Variants in KCNK13 observed in about 807,000 individuals in gnomAD.
The protein encoded by KCNK13 is potassium two pore domain channel subfamily K member 13.
Under a neutral mutation model 23.4 loss-of-function variants are expected in KCNK13, and 12 were observed. That is an observed-to-expected ratio of 0.51 (90% confidence interval 0.33 to 0.83). KCNK13 has a LOEUF of 0.83. KCNK13 is among the 40% of genes least tolerant of loss of function. The pLI, the probability that KCNK13 is intolerant of heterozygous loss-of-function variation, is 0.02. For missense variants in KCNK13, 463 were observed against 556.3 expected (o/e 0.83, Z 1.69); for synonymous variants, 231 against 229.5 (o/e 1.01, Z -0.06).
intron 1 of KCNK13, chr14:90,107,728 C>A: frequency 1.3e-6 from 1 of 785,816 alleles, no homozygotes; most frequent in Non-Finnish European, 2.3e-6. Context: ...TGGTTGTGTT[C>A]ATCAAGCCCA....
chr14:90,097,027 G>C (rs1418723983), intron 1 of KCNK13, among the ~76,000 whole-genome samples: 1 of 152,132 alleles, frequency 6.6e-6, no homozygotes, highest in Non-Finnish European at 1.5e-5. Flanking sequence ...AAACATGGCT[G>C]CCACACGAAG....
chr14:90,158,773 G>T (rs1008566749), intron 1 of KCNK13, among the ~76,000 whole-genome samples: 1 of 152,194 alleles, frequency 6.6e-6, no homozygotes, highest in Non-Finnish European at 1.5e-5. Flanking sequence ...TGCTGCGTAT[G>T]TCCTACTGGG....
At chr14:90,066,138 A>ATT (rs35664886) in intron 1 of KCNK13, among the ~76,000 whole-genome samples, 1 of 135,902 alleles carries the variant, frequency 7.4e-6, no homozygotes, top group Admixed American at 7.4e-5. Flanking sequence ...TAATTTTTGT[A>ATT]TTTTTTTTTT....
At chr14:90,150,197 G>A (rs942309880) in intron 1 of KCNK13, among the ~76,000 whole-genome samples, 47 of 152,202 alleles carry the variant, frequency 3.1e-4, no homozygotes, top group African/African-American at 1.1e-3. Flanking sequence ...AGCATCTCAG[G>A]CCGAGGTACA....
At chr14:90,166,454 C>T (rs950233428) in intron 1 of KCNK13, among the ~76,000 whole-genome samples, 1 of 152,170 alleles carries the variant, frequency 6.6e-6, no homozygotes, top group Non-Finnish European at 1.5e-5. Context: ...GCCTATAATC[C>T]CAGCACTTTG....
In KCNK13 at chr14:90,145,063, G is replaced by T. The variant is rs573321551; in HGVS notation, c.335-39048G>T. Among the ~76,000 whole-genome samples, 5 of 151,132 alleles carry T rather than the reference G, an allele frequency of 3.3e-5. No homozygotes were observed. The South Asian group carries it at 6.3e-4, about 19-fold the overall frequency. ...TGCATCTACTGAGTGATTACATGGG[G>T]TTTTTTTTTAGTCTATTGATATGGT... On this transcript the variant is annotated intron_variant, in intron 1 of 1. Coordinates refer to ENST00000282146, the MANE Select transcript of KCNK13 (RefSeq NM_022054.4).
intron 1 of KCNK13, among the ~76,000 whole-genome samples, chr14:90,086,162 A>G (rs1254246496): frequency 6.6e-6 from 1 of 152,092 alleles, no homozygotes; most frequent in East Asian, 1.9e-4. Context: ...TAAATATTTT[A>G]TAGGTACTGC....
In KCNK13 at chr14:90,157,702, C is replaced by CTTTTTT. The variant is rs34114368; in HGVS notation, c.335-26397_335-26392dup. On this transcript the variant is annotated intron_variant, in intron 1 of 1. Transcript: ENST00000282146. ...GGCCACCATACCTGGCTTGGCTTTC[C>CTTTTTT]TTTTTTTTTTTTTTTTTCAGACAGA... 8.0e-3 allele frequency among the ~76,000 whole-genome samples: 805 copies of CTTTTTT among 100,260 alleles called. 63 individuals carry two copies. The highest frequency in any genetic ancestry group is 0.031 in the African/African-American group (774 of 25,048). The allele number at this position is 100,260 out of a possible 152,430, so 65.8% of individuals were successfully genotyped here.
At chr14:90,155,764 G>A (rs1890186516) in intron 1 of KCNK13, among the ~76,000 whole-genome samples, 1 of 152,082 alleles carries the variant, frequency 6.6e-6, no homozygotes, top group African/African-American at 2.4e-5. Flanking sequence ...AACTGTGGGT[G>A]GATCAGATTG....
At chr14:90,100,969 C>T (rs1240139802) in intron 1 of KCNK13, among the ~76,000 whole-genome samples, 8 of 152,078 alleles carry the variant, frequency 5.3e-5, no homozygotes, top group Admixed American at 5.2e-4. Context: ...GCTGGAGTTA[C>T]AGGTGTGAGC....
intron 1 of KCNK13, among the ~76,000 whole-genome samples, chr14:90,086,315 T>A (rs1889275794): frequency 6.6e-6 from 1 of 152,154 alleles, no homozygotes; most frequent in African/African-American, 2.4e-5. Flanking sequence ...TCCTATGGGG[T>A]AGGACTATTA....
intron 1 of KCNK13, among the ~76,000 whole-genome samples, chr14:90,071,223 G>A (rs1360553267): frequency 6.6e-6 from 1 of 152,038 alleles, no homozygotes; most frequent in African/African-American, 2.4e-5. Flanking sequence ...AATAATTCTT[G>A]GGCTCCTTGG....
intron 1 of KCNK13, among the ~76,000 whole-genome samples, chr14:90,120,597 T>G (rs1889727265): frequency 6.6e-6 from 1 of 152,184 alleles, no homozygotes; most frequent in African/African-American, 2.4e-5. Context: ...GAGAACTCAC[T>G]CACTATCATG....
intron 1 of KCNK13, among the ~76,000 whole-genome samples, chr14:90,149,927 A>C (rs1166854655): frequency 1.3e-5 from 2 of 152,194 alleles, no homozygotes; most frequent in Non-Finnish European, 2.9e-5. Context: ...CACTGGAGAC[A>C]TAACAGCGAT....
At chr14:90,155,099 A>C (rs1446324437) in intron 1 of KCNK13, among the ~76,000 whole-genome samples, 1 of 152,202 alleles carries the variant, frequency 6.6e-6, no homozygotes, top group African/African-American at 2.4e-5. Context: ...CTGTAGAAAA[A>C]TTACAGTAAA....
chr14:90,156,492 C>T (rs1596803085), intron 1 of KCNK13, among the ~76,000 whole-genome samples: 2 of 151,894 alleles, frequency 1.3e-5, no homozygotes, highest in South Asian at 2.1e-4. Flanking sequence ...AATTGAGATG[C>T]CAGGCCAGGG....
At chr14:90,183,295 A>G (rs1239255527) in intron 1 of KCNK13, among the ~76,000 whole-genome samples, 1 of 152,192 alleles carries the variant, frequency 6.6e-6, no homozygotes, top group African/African-American at 2.4e-5. Context: ...ATTTTGTTTA[A>G]AAGATGGGTA....
At chr14:90,141,798 G>GT (rs1002693567) in intron 1 of KCNK13, among the ~76,000 whole-genome samples, 1 of 144,374 alleles carries the variant, frequency 6.9e-6, no homozygotes, top group African/African-American at 2.5e-5. Context: ...GTTTTTTGGG[G>GT]GGGGGGACGG....
At chr14:90,131,696 G>A (rs1318842430) in intron 1 of KCNK13, among the ~76,000 whole-genome samples, 4 of 152,232 alleles carry the variant, frequency 2.6e-5, no homozygotes, top group Non-Finnish European at 5.9e-5. Context: ...CCCAGCGAAT[G>A]TTTTGTAGAT....
Sources: allele counts gnomAD v4.1 joint callset (sites outside exome capture counted in the v4.1 genomes callset), GRCh38; gene constraint gnomAD v4.1.1; transcripts MANE v1.5; gene names NCBI Gene and HGNC (gene_info 2026-07-23, HGNC 2026-07-21).